Variants in RFX3 observed in about 807,000 individuals in gnomAD.
RFX3 encodes transcription factor RFX3.
Under a neutral mutation model 98.6 loss-of-function variants are expected in RFX3, and 14 were observed. The observed-to-expected ratio is 0.14, with a 90% CI of 0.09 to 0.22. The LOEUF is 0.22. RFX3 is among the 10% of genes least tolerant of loss of function. RFX3 has a pLI of 1.00. For missense variants in RFX3, 639 were observed against 926.9 expected (o/e 0.69, Z 4.03); for synonymous variants, 383 against 328.4 (o/e 1.17, Z -1.80).
At chr9:3,525,360 T>A (rs1454639187) in intron 1 of RFX3, among the ~76,000 whole-genome samples, 1 of 152,170 alleles carries the variant, frequency 6.6e-6, no homozygotes, top group African/African-American at 2.4e-5. Context: ...CAAATTCTTA[T>A]CTCTTCACCT....
rs115943675 is a variant in RFX3, at chr9:3,332,214, T to C, written c.216-1697A>G. The stretch of plus-strand genomic sequence containing the variant: ...ACAATGCTTGGGACCACAAGTGTTT[T>C]GGATTTTGGATTTTTTCAGATTTTG... On this transcript the variant is annotated intron_variant, in intron 3 of 16. Transcript: ENST00000617270. 7.7e-3 allele frequency among the ~76,000 whole-genome samples: 1,168 copies of C among 152,282 alleles called. 9 individuals carry two copies. The highest frequency in any genetic ancestry group is 0.027 in the African/African-American group (1,104 of 41,538).
intron 16 of RFX3, among the ~76,000 whole-genome samples, chr9:3,228,063 C>T (rs1301264280): frequency 2.6e-5 from 4 of 152,182 alleles, no homozygotes; most frequent in African/African-American, 9.7e-5. Context: ...CAAGAGACCT[C>T]CCACCCTCCG....
intron 1 of RFX3, among the ~76,000 whole-genome samples, chr9:3,429,179 C>T (rs1032435268): frequency 2.6e-5 from 4 of 151,134 alleles, no homozygotes; most frequent in East Asian, 1.9e-4. Flanking sequence ...CCCGCCAACA[C>T]GTCCGGCTAA....
chr9:3,288,367 T>A (rs955696691), intron 6 of RFX3, 117 bp from the exon 7 acceptor site: 2 of 775,264 alleles, frequency 2.6e-6, no homozygotes, highest in Non-Finnish European at 4.3e-6. Context: ...TAAGTTAATG[T>A]TACATATTTA....
intron 9 of RFX3, among the ~76,000 whole-genome samples, chr9:3,274,955 A>G (rs1021743697): frequency 6.6e-6 from 1 of 152,016 alleles, no homozygotes; most frequent in Non-Finnish European, 1.5e-5. Context: ...TTTTCACTCA[A>G]GTGAAAATAT....
rs1226010074 is a variant in RFX3, at chr9:3,521,416, T to G, written c.-9+4331A>C. On this transcript the variant is annotated intron_variant, in intron 1 of 16. Transcript: ENST00000617270. ...AAAATAAGCCTATTATATGCTTCAATGCATATATAATTAAAAATTTTTTTC... is the reference window on the plus strand; with the variant it reads ...AAAATAAGCCTATTATATGCTTCAAGGCATATATAATTAAAAATTTTTTTC... Among the ~76,000 whole-genome samples the G allele has an allele frequency of 3.3e-5, 5 of 152,130 alleles. 1 individual carries two copies. The East Asian group carries it at 9.6e-4, about 29-fold the overall frequency.
intron 2 of RFX3, among the ~76,000 whole-genome samples, chr9:3,387,096 G>C (rs1587452297): frequency 6.6e-6 from 1 of 152,002 alleles, no homozygotes; most frequent in African/African-American, 2.4e-5. Context: ...TGTTTTTCTT[G>C]TGAATTCCAA....
At chr9:3,317,965 G>C (rs904006883) in intron 4 of RFX3, among the ~76,000 whole-genome samples, 3 of 152,172 alleles carry the variant, frequency 2.0e-5, no homozygotes, top group African/African-American at 7.2e-5. Flanking sequence ...ACAGTGTGGC[G>C]ATTCCTCAGG....
chr9:3,381,755 T>C (rs946764457), intron 2 of RFX3, among the ~76,000 whole-genome samples: 7 of 152,056 alleles, frequency 4.6e-5, no homozygotes, highest in Non-Finnish European at 1.0e-4. Context: ...AAGCTATCAA[T>C]ACTTAATAAC....
chr9:3,517,010 T>C (rs1288199258), intron 1 of RFX3, among the ~76,000 whole-genome samples: 1 of 152,256 alleles, frequency 6.6e-6, no homozygotes, highest in East Asian at 1.9e-4. Context: ...ATGGCCATTA[T>C]GCTAGCACCA....
intron 4 of RFX3, among the ~76,000 whole-genome samples, chr9:3,318,558 A>G (rs1478796814): frequency 6.6e-6 from 1 of 151,254 alleles, no homozygotes; most frequent in Non-Finnish European, 1.5e-5. Flanking sequence ...TAAAAAAAAA[A>G]AAAAGCCCAG....
intron 14 of RFX3, among the ~76,000 whole-genome samples, chr9:3,249,030 G>A (rs1821039901): frequency 6.6e-6 from 1 of 151,728 alleles, no homozygotes; most frequent in South Asian, 2.1e-4. Flanking sequence ...TCAGAGTGAT[G>A]TGTGTGTGTG....
chr9:3,516,604 T>C (rs1818194695), intron 1 of RFX3, among the ~76,000 whole-genome samples: 1 of 152,180 alleles, frequency 6.6e-6, no homozygotes, highest in African/African-American at 2.4e-5. Flanking sequence ...TTAGCTCTTC[T>C]TAAAAACCAG....
At chr9:3,386,464 C>A (rs1052877423) in intron 2 of RFX3, among the ~76,000 whole-genome samples, 3 of 151,958 alleles carry the variant, frequency 2.0e-5, no homozygotes, top group East Asian at 1.9e-4. Context: ...GAAGAGAAAA[C>A]TGAGTTTCAG....
chr9:3,270,600 T>G (rs1438537940), intron 10 of RFX3, 75 bp from the exon 11 acceptor site: 14 of 1,422,194 alleles, frequency 9.8e-6, no homozygotes, highest in East Asian at 2.3e-5. Flanking sequence ...AAAAATAGTT[T>G]AAGTTTACCA....
At chr9:3,399,400 C>T (rs1841251233) in intron 1 of RFX3, among the ~76,000 whole-genome samples, 1 of 151,652 alleles carries the variant, frequency 6.6e-6, no homozygotes, top group South Asian at 2.1e-4. Flanking sequence ...GCTGAGATCT[C>T]ATCATTGCAC....
intron 6 of RFX3, among the ~76,000 whole-genome samples, chr9:3,289,917 A>T (rs1314180206): frequency 2.0e-5 from 3 of 152,184 alleles, no homozygotes; most frequent in Non-Finnish European, 2.9e-5. Flanking sequence ...TAATATTAAT[A>T]ATAGTTCTAC....
intron 1 of RFX3, among the ~76,000 whole-genome samples, chr9:3,470,049 A>C (rs989567061): frequency 6.6e-6 from 1 of 152,168 alleles, no homozygotes; most frequent in African/African-American, 2.4e-5. Context: ...CATTAGTATA[A>C]ATAGCATAAA....
chr9:3,344,682 C>G (rs771059211), intron 3 of RFX3: 1 of 591,402 alleles, frequency 1.7e-6, no homozygotes, highest in Non-Finnish European at 3.0e-6. Context: ...CCTGCAGGTG[C>G]CCATTACTAC....
Sources: gnomAD v4.1 joint callset for allele counts (sites outside exome capture counted in the v4.1 genomes callset) on GRCh38, gnomAD v4.1.1 for gene constraint, MANE v1.5 for transcripts, NCBI Gene and HGNC (gene_info 2026-07-23, HGNC 2026-07-21) for gene names.